The following CXorf58 variants were observed in gnomAD, a reference collection of about 807,000 sequenced individuals.
The protein encoded by CXorf58 is chromosome X open reading frame 58.
A neutral mutation model predicts 26.0 loss-of-function variants in CXorf58; 24 were observed. The ratio of observed to expected loss-of-function variants is 0.92; its 90% confidence interval spans 0.67 to 1.30. The LOEUF is 1.30. Ranked by LOEUF, CXorf58 falls within the 50% of genes most tolerant of loss-of-function variation. The pLI, the probability that CXorf58 is intolerant of heterozygous loss-of-function variation, is 0.00. For missense variants in CXorf58, 236 were observed against 263.9 expected (o/e 0.89, Z 0.73); for synonymous variants, 87 against 86.1 (o/e 1.01, Z -0.06).
chrX:23,919,666 T>C (rs945710001), intron 5 of CXorf58, among the ~76,000 whole-genome samples: 3 of 112,694 alleles, frequency 2.7e-5, no homozygotes, highest in Non-Finnish European at 5.6e-5. Context: ...AGGTCATGTT[T>C]TCCTGAATGG....
At chrX:23,915,304 A>T (rs1228162631) in intron 3 of CXorf58, among the ~76,000 whole-genome samples, 3 of 112,179 alleles carry the variant, frequency 2.7e-5, no homozygotes, top group Non-Finnish European at 5.6e-5. Context: ...ATACTTCTTA[A>T]GCATCTGCTG....
intron 6 of CXorf58, 53 bp from the exon 7 acceptor site, chrX:23,935,128 AGTTCTGGGATTATAG>A: frequency 2.4e-6 from 2 of 842,583 alleles, no homozygotes; most frequent in South Asian, 4.7e-5. Context: ...AGCCTCCCAA[AGTTCTGGGATTATAG>A]GTATGAGCCA....
At chrX:23,909,615 C>A (rs1310609975) in intron 1 of CXorf58, among the ~76,000 whole-genome samples, 1 of 111,501 alleles carries the variant, frequency 9.0e-6, no homozygotes, top group Non-Finnish European at 1.9e-5. Flanking sequence ...GGGTCCATGG[C>A]ACCAAAAGAA....
intron 3 of CXorf58, among the ~76,000 whole-genome samples, chrX:23,914,565 T>C (rs1460497613): frequency 9.0e-6 from 1 of 111,726 alleles, no homozygotes; most frequent in Non-Finnish European, 1.9e-5. Flanking sequence ...GCCTCAGCCT[T>C]CTCATCTGTA....
intron 3 of CXorf58, among the ~76,000 whole-genome samples, chrX:23,914,230 C>T (rs761634709): frequency 7.3e-5 from 8 of 109,916 alleles, no homozygotes; most frequent in Non-Finnish European, 1.5e-4. Context: ...GGACTACAGG[C>T]GCCTGCCATC....
chrX:23,936,412 T>C (rs1928298634), intron 7 of CXorf58, among the ~76,000 whole-genome samples: 1 of 111,918 alleles, frequency 8.9e-6, no homozygotes, highest in Admixed American at 9.6e-5. Context: ...TTACCAATAG[T>C]ATGTGAGCCA....
chrX:23,926,446 G>C, intron 5 of CXorf58, among the ~76,000 whole-genome samples: 1 of 111,234 alleles, frequency 9.0e-6, no homozygotes, highest in East Asian at 2.8e-4. Flanking sequence ...TGAAGGGAGG[G>C]AGGCTTAAAC....
intron 3 of CXorf58, 137 bp from the exon 4 acceptor site, chrX:23,915,563 G>A (rs1011692865): frequency 1.4e-5 from 6 of 420,270 alleles, no homozygotes; most frequent in Non-Finnish European, 2.1e-5. Context: ...AAGTGGAGGT[G>A]CCAAAACAAA....
intron 6 of CXorf58, among the ~76,000 whole-genome samples, chrX:23,933,162 G>T (rs749207720): frequency 6.4e-4 from 70 of 109,893 alleles, no homozygotes; most frequent in Middle Eastern, 4.6e-3. Flanking sequence ...ATGAAATGGT[G>T]CAAAGGTAGG....
At chrX:23,922,675 A>G (rs992828028) in intron 5 of CXorf58, among the ~76,000 whole-genome samples, 1 of 112,507 alleles carries the variant, frequency 8.9e-6, no homozygotes, top group African/African-American at 3.2e-5. Flanking sequence ...CCACTGTACT[A>G]TGTACATTTT....
chrX:23,915,752 A>AG lies in CXorf58; in HGVS notation c.270dup (p.Leu91AlafsTer3). The AG allele has an allele frequency of 8.4e-7, 1 of 1,193,094 alleles. No individual in the cohort carries two copies. The highest frequency in any genetic ancestry group is 1.1e-6 in the Non-Finnish European group (1 of 878,962). ...AAGAAAGTGGCCCCCTTAGAGGCTA[A>AG]GCTTATTAAGGATCCTACTATGCAG... is the stretch of plus-strand genomic sequence containing the variant. On this transcript the variant is annotated frameshift_variant, in exon 4 of 9. Coordinates refer to ENST00000379211, the MANE Select transcript of CXorf58 (RefSeq NM_152761.3). LOFTEE classifies it high-confidence loss of function.
chrX:23,915,198 G>A (rs1927689260), intron 3 of CXorf58, among the ~76,000 whole-genome samples: 1 of 112,169 alleles, frequency 8.9e-6, no homozygotes, highest in Non-Finnish European at 1.9e-5. Context: ...TGTATATAAG[G>A]CACCTAACAT....
chrX:23,924,305 T>C lies in CXorf58; in HGVS notation c.424-2934T>C, dbSNP rs1178955521. ...AGATTTGCCAATACTATCTTTATTT[T>C]ATTTATTTATTTATTTATTTATTTA... is the stretch of plus-strand genomic sequence containing the variant. On this transcript the variant is annotated intron_variant, in intron 5 of 8. Transcript: ENST00000379211. 1.6e-4 allele frequency among the ~76,000 whole-genome samples: 14 copies of C among 88,784 alleles called. No individual in the cohort carries two copies. In the Admixed American group the frequency reaches 1.6e-3, roughly 10 times the overall value. The allele number at this position is 88,784 out of a possible 115,157, so 77.1% of individuals were successfully genotyped here.
chrX:23,922,538 A>G (rs1024876471), intron 5 of CXorf58, among the ~76,000 whole-genome samples: 2 of 111,793 alleles, frequency 1.8e-5, no homozygotes, highest in Admixed American at 9.5e-5. Context: ...CAGCATACAC[A>G]TTCTCTTAGA....
At chrX:23,915,864 T>G (rs974380566) in intron 4 of CXorf58, 70 bp downstream of exon 4, 1 of 600,521 alleles carries the variant, frequency 1.7e-6, no homozygotes, top group African/African-American at 2.3e-5. Context: ...ATATGGATTT[T>G]TTAAATTCTT....
chrX:23,920,604 A>C (rs1418212821), intron 5 of CXorf58, among the ~76,000 whole-genome samples: 1 of 111,838 alleles, frequency 8.9e-6, no homozygotes, highest in Non-Finnish European at 1.9e-5. Context: ...GAAAATTATC[A>C]AATGAAGCCA....
intron 6 of CXorf58, among the ~76,000 whole-genome samples, chrX:23,929,722 A>G (rs1470801587): frequency 8.9e-6 from 1 of 112,610 alleles, no homozygotes; most frequent in Non-Finnish European, 1.9e-5. Flanking sequence ...TTTTCAATGT[A>G]GACAAAATGG....
intron 7 of CXorf58, among the ~76,000 whole-genome samples, chrX:23,936,988 A>T (rs751524113): frequency 1.8e-5 from 2 of 112,530 alleles, no homozygotes; most frequent in Non-Finnish European, 3.7e-5. Context: ...AGTATCCAAG[A>T]ATAAGTAATT....
chrX:23,921,408 T>C (rs1202494284), intron 5 of CXorf58, among the ~76,000 whole-genome samples: 3 of 112,037 alleles, frequency 2.7e-5, no homozygotes, highest in Admixed American at 9.5e-5. Context: ...TAGAGATTTT[T>C]AAATTTTGTT....
Sources: gnomAD v4.1 joint callset for allele counts (sites outside exome capture counted in the v4.1 genomes callset) on GRCh38, gnomAD v4.1.1 for gene constraint, MANE v1.5 for transcripts, NCBI Gene and HGNC (gene_info 2026-07-23, HGNC 2026-07-21) for gene names.